ZFHX3: variants seen among roughly 807,000 people sequenced by gnomAD.
ZFHX3 encodes zinc finger homeobox 3.
ZFHX3 carries 42 observed loss-of-function variants against 279.1 expected under a neutral mutation model. The observed-to-expected ratio is 0.15, with a 90% CI of 0.12 to 0.19. The LOEUF is 0.19. Among genes scored for constraint, ZFHX3 ranks in the 10% least tolerant of loss-of-function variants. The probability of loss-of-function intolerance (pLI) is 1.00; values close to 1 mark genes in which losing one functional copy is unlikely to be tolerated. For synonymous variants in ZFHX3, 2,293 were observed against 1,957.8 expected, an observed-to-expected ratio of 1.17 and a Z score of -4.52; for missense variants, 4,981 against 4,754.0, an observed-to-expected ratio of 1.05 and a Z score of -1.40.
chr16:73,868,460 G>A (rs1374102799), intron 1 of ZFHX3, among the ~76,000 whole-genome samples: 3 of 152,244 alleles, frequency 2.0e-5, no homozygotes, highest in Admixed American at 6.5e-5. Flanking sequence ...GGAGGCAGAG[G>A]TTGCAGTGAG....
intron 6 of ZFHX3, among the ~76,000 whole-genome samples, chr16:73,140,499 T>C (rs1344357707): frequency 6.6e-6 from 1 of 152,146 alleles, no homozygotes; most frequent in African/African-American, 2.4e-5. Flanking sequence ...TCAGTTCTAC[T>C]ATTAACAGTG....
chr16:73,413,248 G>A (rs2017505094), intron 3 of ZFHX3, among the ~76,000 whole-genome samples: 1 of 152,230 alleles, frequency 6.6e-6, no homozygotes, highest in Non-Finnish European at 1.5e-5. Context: ...GATTCCCCAG[G>A]CATTCCAGAC....
chr16:73,047,119 C>T (rs192983699), intron 1 of ZFHX3, among the ~76,000 whole-genome samples: 3 of 152,250 alleles, frequency 2.0e-5, no homozygotes, highest in Admixed American at 2.0e-4. Context: ...GCCTACAATG[C>T]TTCTTTTTGT....
At chr16:73,000,079 C>T (rs958237357) in intron 1 of ZFHX3, among the ~76,000 whole-genome samples, 2 of 152,204 alleles carry the variant, frequency 1.3e-5, no homozygotes, top group East Asian at 1.9e-4. Flanking sequence ...GGCTGGCTTC[C>T]GAACCTAGAA....
At chr16:72,848,137 C>A (rs1195519077) in intron 4 of ZFHX3, among the ~76,000 whole-genome samples, 2 of 152,194 alleles carry the variant, frequency 1.3e-5, no homozygotes, top group Non-Finnish European at 2.9e-5. Flanking sequence ...TCCCTCCGCT[C>A]CTGGGGATGG....
chr16:73,326,819 A>G (rs1345588339), intron 3 of ZFHX3, among the ~76,000 whole-genome samples: 1 of 152,200 alleles, frequency 6.6e-6, no homozygotes, highest in Non-Finnish European at 1.5e-5. Flanking sequence ...TATAGCCCCT[A>G]TTTGGGTCTC....
chr16:73,468,896 C>T (rs1433691358), intron 2 of ZFHX3, among the ~76,000 whole-genome samples: 2 of 152,160 alleles, frequency 1.3e-5, no homozygotes, highest in East Asian at 1.9e-4. Flanking sequence ...TGGCCTCTAC[C>T]ACAATGGTCT....
intron 1 of ZFHX3, 43 bp from the exon 2 acceptor site, chr16:72,960,237 G>A (rs985615176): frequency 7.1e-7 from 1 of 1,416,200 alleles, no homozygotes; most frequent in Non-Finnish European, 9.4e-7. Flanking sequence ...AGAGGGGAAA[G>A]AGAGAGAGAA....
intron 2 of ZFHX3, among the ~76,000 whole-genome samples, chr16:73,543,115 A>G (rs1420035583): frequency 6.6e-6 from 1 of 152,240 alleles, no homozygotes; most frequent in Non-Finnish European, 1.5e-5. Context: ...ATGTTTTTCA[A>G]CACGGCTCTA....
chr16:73,511,413 T>G (rs188756698), intron 2 of ZFHX3, among the ~76,000 whole-genome samples: 31 of 152,312 alleles, frequency 2.0e-4, no homozygotes, highest in Admixed American at 1.8e-3. Context: ...AATCCTGACA[T>G]GCAGTAGCAT....
At chr16:73,450,548 A>G (rs2018266406) in intron 3 of ZFHX3, among the ~76,000 whole-genome samples, 1 of 152,180 alleles carries the variant, frequency 6.6e-6, no homozygotes, top group South Asian at 2.1e-4. Flanking sequence ...AATTTTGCTT[A>G]TGGTATCAAA....
At chr16:73,563,039 A>G (rs1404873504) in intron 2 of ZFHX3, among the ~76,000 whole-genome samples, 1 of 152,124 alleles carries the variant, frequency 6.6e-6, no homozygotes, top group African/African-American at 2.4e-5. Context: ...GCTCTGGAAA[A>G]TTTCAGTTAA....
chr16:73,490,540 G>A (rs140343810), intron 2 of ZFHX3, among the ~76,000 whole-genome samples: 218 of 152,194 alleles, frequency 1.4e-3, no homozygotes, highest in Non-Finnish European at 2.2e-3. Context: ...ATCCCTTTGC[G>A]TTAAAACAAT....
intron 1 of ZFHX3, among the ~76,000 whole-genome samples, chr16:73,888,946 G>A (rs937271729): frequency 3.9e-5 from 5 of 127,388 alleles, no homozygotes; most frequent in Non-Finnish European, 7.8e-5. Context: ...TAGCAAGCCC[G>A]CATACTCTCC....
At chr16:73,488,907 A>C (rs2019015621) in intron 2 of ZFHX3, among the ~76,000 whole-genome samples, 1 of 152,174 alleles carries the variant, frequency 6.6e-6, no homozygotes. Context: ...ATTTAACCTT[A>C]GTTTTCTTCA....
chr16:73,435,490 G>A (rs2017981660), intron 3 of ZFHX3, among the ~76,000 whole-genome samples: 1 of 152,306 alleles, frequency 6.6e-6, no homozygotes, highest in South Asian at 2.1e-4. Flanking sequence ...GATTACAGGT[G>A]TGAGCCACAG....
chr16:73,230,740 T>C (rs2012746457), intron 5 of ZFHX3, among the ~76,000 whole-genome samples: 2 of 152,200 alleles, frequency 1.3e-5, no homozygotes, highest in Non-Finnish European at 2.9e-5. Context: ...GCTACTGTGA[T>C]GAGTAGGGGC....
intron 2 of ZFHX3, among the ~76,000 whole-genome samples, chr16:73,494,258 G>C (rs1362702367): frequency 6.6e-6 from 1 of 152,202 alleles, no homozygotes. Flanking sequence ...CGGTTTGCTA[G>C]CTGGTTTACG....
intron 1 of ZFHX3, among the ~76,000 whole-genome samples, chr16:72,999,804 A>G (rs1022591028): frequency 6.6e-6 from 1 of 152,196 alleles, no homozygotes; most frequent in Non-Finnish European, 1.5e-5. Flanking sequence ...CCATAAGTAC[A>G]TACTTCACTC....
Sources: gnomAD v4.1 joint callset for allele counts (sites outside exome capture counted in the v4.1 genomes callset) on GRCh38, gnomAD v4.1.1 for gene constraint, MANE v1.5 for transcripts, NCBI Gene and HGNC (gene_info 2026-07-23, HGNC 2026-07-21) for gene names.